The following BICC1 variants were observed in gnomAD, a reference collection of about 807,000 sequenced individuals.
BICC1 encodes the protein protein bicaudal C homolog 1.
Under a neutral mutation model 111.0 loss-of-function variants are expected in BICC1, and 43 were observed. That is an observed-to-expected ratio of 0.39 (90% CI 0.30 to 0.50). The LOEUF is 0.50. BICC1 is among the 20% of genes least tolerant of loss of function. BICC1 has a pLI of 0.88. For missense variants in BICC1, 1,091 were observed against 1,203.2 expected (o/e 0.91, Z 1.38); for synonymous variants, 467 against 434.4 (o/e 1.07, Z -0.93).
rs1400327225 is a variant in BICC1, at chr10:58,803,224, A to T, written c.2163A>T (p.Ser721=). 1.2e-6 allele frequency: 2 copies of T among 1,600,244 alleles called. No homozygotes were observed. The highest frequency in any genetic ancestry group is 1.7e-6 in the Non-Finnish European group (2 of 1,173,682). The change falls in exon 15 of 21, where the codon TCA becomes TCT. Residue 721 remains serine (S), a synonymous_variant. Coordinates refer to ENST00000373886, the MANE Select transcript of BICC1 (RefSeq NM_001080512.3). ...AAAGGGCCCACCTTGCTCCACGGTCATCATATGTCAACATGCAGGTAATGG... is the reference window on the plus strand; with the variant it reads ...AAAGGGCCCACCTTGCTCCACGGTCTTCATATGTCAACATGCAGGTAATGG... The part of the protein sequence containing the change: ...NSERAHLAPR[S]SYVNMQAFDY...
rs923264837 is a variant in BICC1 at position 58,644,998 on chromosome 10, CA to C, written c.237+24105del. ...CTAAAAGGTTTAGTCTGTGTCTAAA[CA>C]AAAAAAATTTTCTTTATATGGACAG... On this transcript the variant is annotated intron_variant, in intron 2 of 20. Transcript: ENST00000373886. 4.0e-5 allele frequency among the ~76,000 whole-genome samples: 6 copies of C among 151,854 alleles called. 1 individual carries two copies. The South Asian group carries it at 1.2e-3, about 32-fold the overall frequency.
Position 58,620,921 on chromosome 10 carries a change from T to C in BICC1, c.237+20T>C. On this transcript the variant is annotated intron_variant, in intron 2 of 20. Coordinates refer to ENST00000373886, the MANE Select transcript of BICC1 (RefSeq NM_001080512.3). The stretch of plus-strand genomic sequence containing the variant: ...CAAAAGGTAAGTTGTCTTTTACTCT[T>C]GTCATGGTGATAAGTAAGAGGAAAT... 5 of 1,610,278 alleles carry C rather than the reference T, an allele frequency of 3.1e-6. No homozygotes were observed. The highest frequency in any genetic ancestry group is 4.2e-6 in the Non-Finnish European group (5 of 1,177,084).
intron 2 of BICC1, among the ~76,000 whole-genome samples, chr10:58,673,128 C>A (rs1293296231): frequency 6.6e-6 from 1 of 152,148 alleles, no homozygotes; most frequent in Non-Finnish European, 1.5e-5. Flanking sequence ...TTTTCATTAC[C>A]AATTAAACTC....
chr10:58,813,987 G>C lies in BICC1; in HGVS notation c.2533+1G>C. On this transcript the variant is annotated splice_donor_variant, in intron 18 of 20. Transcript: ENST00000373886. LOFTEE classifies it high-confidence loss of function. ...CCTAAGCGTAAACAAAACAAATCAA[G>C]TGAGCGTTGTGTTTTATGCACACTT... 1 of 1,614,006 alleles carries C rather than the reference G, an allele frequency of 6.2e-7. No homozygotes were observed. Among genetic ancestry groups the C allele is most frequent in the East Asian group, 2.2e-5 (1 of 44,838 alleles).
At chr10:58,792,822 T>C (rs2132827710) in intron 8 of BICC1, among the ~76,000 whole-genome samples, 1 of 152,302 alleles carries the variant, frequency 6.6e-6, no homozygotes, top group East Asian at 1.9e-4. Context: ...TGTAATGTGC[T>C]TGAATCATCT....
chr10:58,786,919 A>C lies in BICC1; in HGVS notation c.388-4A>C, dbSNP rs754411359. ...TCAAGTAATAATACATTATTTTCACATAGAGCAATCGAGTCACACTGAAGA... is the reference window on the plus strand; with the variant it reads ...TCAAGTAATAATACATTATTTTCACCTAGAGCAATCGAGTCACACTGAAGA... On this transcript the variant is annotated splice_polypyrimidine_tract_variant and splice_region_variant and intron_variant, in intron 4 of 20. Coordinates refer to ENST00000373886, the MANE Select transcript of BICC1 (RefSeq NM_001080512.3). 2.5e-6 allele frequency: 4 copies of C among 1,569,456 alleles called. No individual in the cohort carries two copies. The highest frequency in any genetic ancestry group is 3.4e-6 in the Non-Finnish European group (4 of 1,163,980).
chr10:58,675,678 G>A lies in BICC1; in HGVS notation c.238-26396G>A, dbSNP rs200120832. On this transcript the variant is annotated intron_variant, in intron 2 of 20. Transcript: ENST00000373886. Reference sequence around the variant, plus strand: ...GAATTATAAGAGGAACCCAGTTCTGGTGTACAGCATGAGTGGCGATGGATG... The same window carrying A: ...GAATTATAAGAGGAACCCAGTTCTGATGTACAGCATGAGTGGCGATGGATG... Among the ~76,000 whole-genome samples, 7 of 152,324 alleles carry A rather than the reference G, an allele frequency of 4.6e-5. No individual in the cohort carries two copies. The East Asian group carries it at 7.7e-4, about 17-fold the overall frequency.
At chr10:58,642,219 G>T (rs1424870224) in intron 2 of BICC1, among the ~76,000 whole-genome samples, 1 of 152,154 alleles carries the variant, frequency 6.6e-6, no homozygotes, top group Non-Finnish European at 1.5e-5. Flanking sequence ...TGTGAGTTAG[G>T]CTCTGCACTT....
At chr10:58,522,249 T>C (rs1393341960) in intron 1 of BICC1, among the ~76,000 whole-genome samples, 1 of 152,042 alleles carries the variant, frequency 6.6e-6, no homozygotes, top group African/African-American at 2.4e-5. Context: ...TAGATACCTA[T>C]GTAATATATT....
intron 2 of BICC1, among the ~76,000 whole-genome samples, chr10:58,683,353 C>G (rs1839600906): frequency 6.6e-6 from 1 of 152,136 alleles, no homozygotes; most frequent in Non-Finnish European, 1.5e-5. Context: ...TTAGGATTGT[C>G]TTGGCAATGC....
At chr10:58,706,333 C>G (rs1564565729) in intron 3 of BICC1, among the ~76,000 whole-genome samples, 1 of 152,184 alleles carries the variant, frequency 6.6e-6, no homozygotes, top group African/African-American at 2.4e-5. Flanking sequence ...TCCTGCCAGA[C>G]CTGCTTTAAG....
At chr10:58,710,698 T>C (rs1007849533) in intron 3 of BICC1, among the ~76,000 whole-genome samples, 2 of 152,206 alleles carry the variant, frequency 1.3e-5, no homozygotes, top group East Asian at 1.9e-4. Context: ...GAATATGTTA[T>C]AAATTGCTTG....
At chr10:58,688,340 A>T (rs1354072573) in intron 2 of BICC1, among the ~76,000 whole-genome samples, 1 of 152,096 alleles carries the variant, frequency 6.6e-6, no homozygotes, top group African/African-American at 2.4e-5. Flanking sequence ...ACAAACCTTT[A>T]GCTAGACACA....
At chr10:58,824,913 G>A (rs1224297946) in intron 20 of BICC1, among the ~76,000 whole-genome samples, 3 of 152,024 alleles carry the variant, frequency 2.0e-5, no homozygotes, top group South Asian at 2.1e-4. Flanking sequence ...AGGTGGGGGC[G>A]GAGGTTGATG....
At chr10:58,807,768 G>A (rs1031135608) in intron 17 of BICC1, among the ~76,000 whole-genome samples, 4 of 152,136 alleles carry the variant, frequency 2.6e-5, no homozygotes, top group Non-Finnish European at 5.9e-5. Flanking sequence ...GATTCACCAA[G>A]CAGGCCTTTT....
intron 1 of BICC1, among the ~76,000 whole-genome samples, chr10:58,597,202 C>T (rs1295877327): frequency 6.6e-6 from 1 of 152,090 alleles, no homozygotes; most frequent in East Asian, 1.9e-4. Flanking sequence ...ATCAGTAGGA[C>T]ATCACATGTC....
At chr10:58,512,331 A>G (rs1842106254), upstream of BICC1, among the ~76,000 whole-genome samples, 1 of 152,156 alleles carries the variant, frequency 6.6e-6, no homozygotes, top group Admixed American at 6.5e-5. Context: ...AAAGACGGGC[A>G]TGATTTCTTC....
chr10:58,528,344 G>A (rs1842598334), intron 1 of BICC1, among the ~76,000 whole-genome samples: 1 of 151,878 alleles, frequency 6.6e-6, no homozygotes, highest in South Asian at 2.1e-4. Context: ...AGTTTTGAAT[G>A]AGGATATGCA....
At chr10:58,536,833 A>G (rs1019269957) in intron 1 of BICC1, among the ~76,000 whole-genome samples, 1 of 151,756 alleles carries the variant, frequency 6.6e-6, no homozygotes, top group African/African-American at 2.4e-5. Context: ...AAGAGAAAAG[A>G]TTCAGATAAG....
Sources: allele counts gnomAD v4.1 joint callset (sites outside exome capture counted in the v4.1 genomes callset), GRCh38; gene constraint gnomAD v4.1.1; transcripts MANE v1.5; gene names NCBI Gene and HGNC (gene_info 2026-07-23, HGNC 2026-07-21).